BANP: variants seen among roughly 807,000 people sequenced by gnomAD.
BANP encodes the protein protein BANP.
A neutral mutation model predicts 68.1 loss-of-function variants in BANP; 11 were observed. That is an observed-to-expected ratio of 0.16 (90% CI 0.10 to 0.27). The LOEUF (loss-of-function observed/expected upper bound fraction) is 0.27, where lower values mean the gene tolerates loss of function less well. Ranked by LOEUF, BANP falls within the 10% of genes least tolerant of loss-of-function variation. BANP has a pLI of 1.00. For synonymous variants in BANP, 329 were observed against 303.2 expected, an observed-to-expected ratio of 1.09 and a Z score of -0.88; for missense variants, 504 against 722.7, an observed-to-expected ratio of 0.70 and a Z score of 3.47.
chr16:88,071,531 C>T lies in BANP; in HGVS notation c.1378-538C>T. On this transcript the variant is annotated intron_variant, in intron 12 of 13. Coordinates refer to ENST00000682872, the MANE Select transcript of BANP (RefSeq NM_001386991.1). This position sits in a 1 kb window ranked among gnomAD's most constrained non-coding sequence, Gnocchi z 6.5. ...ACTTCCGCCCATCTTGGAACTGGGCCTCACTTTCCTGCGAGCTTCTGCTGG... is the reference window on the plus strand; with the variant it reads ...ACTTCCGCCCATCTTGGAACTGGGCTTCACTTTCCTGCGAGCTTCTGCTGG... 2.2e-6 allele frequency: 1 copy of T among 456,564 alleles called. No homozygotes were observed. Among genetic ancestry groups the T allele is most frequent in the South Asian group, 1.5e-5 (1 of 64,568 alleles). The allele number at this position is 456,564 out of a possible 1,614,324, so 28.3% of individuals were successfully genotyped here.
chr16:87,995,268 G>T (rs1241594793), intron 4 of BANP, among the ~76,000 whole-genome samples: 2 of 152,212 alleles, frequency 1.3e-5, no homozygotes, highest in Non-Finnish European at 2.9e-5. Context: ...TGGCCTGGGG[G>T]TTTTTGGGGG....
chr16:88,023,981 G>C (rs980399902), intron 7 of BANP, among the ~76,000 whole-genome samples: 1 of 152,228 alleles, frequency 6.6e-6, no homozygotes, highest in Non-Finnish European at 1.5e-5. Context: ...GCTCCCAGGT[G>C]ACGCCACGCT....
chr16:87,975,351 C>T, intron 2 of BANP, 166 bp downstream of exon 2: 2 of 700,230 alleles, frequency 2.9e-6, no homozygotes, highest in Non-Finnish European at 4.8e-6. Context: ...CCTCCCTTCC[C>T]TCGCCCCTGC....
At position 88,002,129 on chromosome 16, in the gene BANP, A is replaced by G. The variant is rs1416966888; in HGVS notation, c.363-2166A>G. On this transcript the variant is annotated intron_variant, in intron 4 of 13. Coordinates refer to ENST00000682872, the MANE Select transcript of BANP (RefSeq NM_001386991.1). The surrounding 1 kb of genome is among the most constrained non-coding windows in gnomAD (Gnocchi z 4.6). ...TGGATGATTATGTTTGACTGCTTAG[A>G]TGAGACAGGATTCCATGTTGGTCCT... Among the ~76,000 whole-genome samples the G allele has an allele frequency of 6.6e-6, 1 of 152,156 alleles. No homozygotes were observed. Among genetic ancestry groups the G allele is most frequent in the Non-Finnish European group, 1.5e-5 (1 of 68,024 alleles).
At chr16:87,987,244 A>G (rs2064677165) in intron 4 of BANP, among the ~76,000 whole-genome samples, 1 of 152,028 alleles carries the variant, frequency 6.6e-6, no homozygotes, top group South Asian at 2.1e-4. Context: ...CCGCCTAGCT[A>G]ATTTTTGTAA....
intron 5 of BANP, among the ~76,000 whole-genome samples, chr16:88,005,689 G>A (rs1373252793): frequency 3.3e-5 from 5 of 152,216 alleles, no homozygotes; most frequent in Non-Finnish European, 7.3e-5. Flanking sequence ...GAGCCCAGCA[G>A]CGTGGATCGA....
Position 87,975,100 on chromosome 16 carries a change from A to T in BANP, c.-16A>T. ...TTGAACTCTTTCGTGTTGACCGGCC[A>T]CTCTCCGTGCTCTGGATGATGTCGG... On this transcript the variant is annotated 5_prime_UTR_variant, in exon 2 of 14. Transcript: ENST00000682872. 2 of 1,589,856 alleles carry T rather than the reference A, an allele frequency of 1.3e-6. No individual in the cohort carries two copies. The highest frequency in any genetic ancestry group is 1.7e-6 in the Non-Finnish European group (2 of 1,163,666).
At position 88,018,614 on chromosome 16, in the gene BANP, A is replaced by G; in HGVS notation, c.842A>G (p.Gln281Arg). The change falls in exon 7 of 14, where the codon CAG (glutamine) becomes CGG (arginine). Residue 281 changes from glutamine (Q) to arginine (R), a missense_variant. Coordinates refer to ENST00000682872, the MANE Select transcript of BANP (RefSeq NM_001386991.1). This position sits in a 1 kb window ranked among gnomAD's most constrained non-coding sequence, Gnocchi z 7.7. The part of the protein sequence containing the change: ...EVQAVSNLSG[Q>R]GKHGKKQLDP... ...CAGGCTGTGTCCAACCTCTCGGGGC[A>G]GGGCAAGCACGGGAAGAAGCAGCTG... is the stretch of plus-strand genomic sequence containing the variant. The G allele has an allele frequency of 6.3e-7, 1 of 1,586,486 alleles. No homozygotes were observed. The highest frequency in any genetic ancestry group is 8.6e-7 in the Non-Finnish European group (1 of 1,166,138).
chr16:87,976,166 A>G lies in BANP; in HGVS notation c.70+981A>G, dbSNP rs531365457. Among the ~76,000 whole-genome samples the G allele has an allele frequency of 5.3e-5, 8 of 152,352 alleles. No individual in the cohort carries two copies. The South Asian group carries it at 1.4e-3, about 28-fold the overall frequency. On this transcript the variant is annotated intron_variant, in intron 2 of 13. Coordinates refer to ENST00000682872, the MANE Select transcript of BANP (RefSeq NM_001386991.1). ...CCCTATAGAGAAGATCCTTGCATAT[A>G]TATCTTGGCAAATAGATAAGTTCCT...
chr16:88,015,148 G>C (rs1567755499), intron 6 of BANP, among the ~76,000 whole-genome samples: 4 of 126,136 alleles, frequency 3.2e-5, no homozygotes. Context: ...TGCTCCCTTA[G>C]CTCGTGCCCT....
intron 7 of BANP, among the ~76,000 whole-genome samples, chr16:88,024,761 C>T (rs1275073409): frequency 2.6e-5 from 4 of 152,218 alleles, no homozygotes; most frequent in East Asian, 1.9e-4. Context: ...GGAGCGCAGA[C>T]GGAAGGAATT....
intron 4 of BANP, among the ~76,000 whole-genome samples, chr16:87,987,001 ATAGTTT>A (rs2064598452): frequency 6.6e-6 from 1 of 152,260 alleles, no homozygotes; most frequent in Admixed American, 6.5e-5. Flanking sequence ...CTATTTTCTC[ATAGTTT>A]TAAATAGGAT....
At chr16:88,035,562 CTG>C (rs2079135870) in intron 10 of BANP, among the ~76,000 whole-genome samples, 168 bp downstream of exon 10, 1 of 152,258 alleles carries the variant, frequency 6.6e-6, no homozygotes, top group African/African-American at 2.4e-5. Flanking sequence ...CCTGCAGTCT[CTG>C]TGGCCTCTCT....
At chr16:87,991,363 G>C (rs1233233947) in intron 4 of BANP, among the ~76,000 whole-genome samples, 1 of 152,188 alleles carries the variant, frequency 6.6e-6, no homozygotes, top group African/African-American at 2.4e-5. Flanking sequence ...AAACTAATGA[G>C]AAACATAAAT....
intron 13 of BANP, 144 bp downstream of exon 13, chr16:88,072,356 T>TTCTGCGTC: frequency 1.0e-6 from 1 of 991,804 alleles, no homozygotes; most frequent in Admixed American, 2.9e-5. Context: ...CATCTGAGGG[T>TTCTGCGTC]TCTACGTCTC....
At chr16:87,953,784 CCTT>C (rs1597652382) in intron 1 of BANP, among the ~76,000 whole-genome samples, 1 of 152,290 alleles carries the variant, frequency 6.6e-6, no homozygotes, top group Non-Finnish European at 1.5e-5. Context: ...CAGCCCCTGT[CCTT>C]CTCATCTGGA....
At chr16:87,996,598 G>A (rs924000773) in intron 4 of BANP, among the ~76,000 whole-genome samples, 5 of 148,170 alleles carry the variant, frequency 3.4e-5, no homozygotes, top group African/African-American at 1.0e-4. Context: ...CGTCCTGGGC[G>A]CCGGCTGGGC....
At chr16:88,075,991 C>G (rs1350360763) in intron 13 of BANP, among the ~76,000 whole-genome samples, 2 of 152,166 alleles carry the variant, frequency 1.3e-5, no homozygotes, top group Non-Finnish European at 2.9e-5. Flanking sequence ...AGTGATTCAC[C>G]TGCCTCAGCC....
rs563203158 is a variant in BANP at position 88,058,557 on chromosome 16, C to T, written c.1312-6710C>T. Among the ~76,000 whole-genome samples the T allele has an allele frequency of 9.8e-5, 15 of 152,338 alleles. No individual in the cohort carries two copies. In the East Asian group the frequency reaches 2.7e-3, roughly 27 times the overall value. On this transcript the variant is annotated intron_variant, in intron 11 of 13. Transcript: ENST00000682872. ...CTGACCACCTGACAGGCTGTTTCCTCTCACACAGGCAGTACAGGGGAACGT... is the reference window on the plus strand; with the variant it reads ...CTGACCACCTGACAGGCTGTTTCCTTTCACACAGGCAGTACAGGGGAACGT...
Sources: allele counts gnomAD v4.1 joint callset (sites outside exome capture counted in the v4.1 genomes callset), GRCh38; gene constraint gnomAD v4.1.1; non-coding constraint Gnocchi (gnomAD v3.1); transcripts MANE v1.5; gene names NCBI Gene and HGNC (gene_info 2026-07-23, HGNC 2026-07-21).